ADTRP: variants seen among roughly 807,000 people sequenced by gnomAD.
ADTRP encodes the protein androgen-dependent TFPI-regulating protein.
In ADTRP, 20 loss-of-function variants were observed where a neutral mutation model predicts 27.0. The observed-to-expected ratio is 0.74, with a 90% CI of 0.52 to 1.08. The LOEUF (loss-of-function observed/expected upper bound fraction) is 1.08. Ranked by LOEUF, ADTRP falls within the 50% of genes least tolerant of loss-of-function variation. ADTRP has a pLI of 0.00. For missense variants in ADTRP, 251 were observed against 275.0 expected (o/e 0.91, Z 0.62); for synonymous variants, 101 against 105.2 (o/e 0.96, Z 0.25).
chr6:11,770,838 C>T (rs1054939378), intron 1 of ADTRP, among the ~76,000 whole-genome samples: 35 of 152,268 alleles, frequency 2.3e-4, no homozygotes, highest in Middle Eastern at 6.8e-3. Flanking sequence ...CCGCTCAGGC[C>T]GCAGCAGGCC....
intron 3 of ADTRP, among the ~76,000 whole-genome samples, chr6:11,745,056 C>T (rs1762825224): frequency 6.6e-6 from 1 of 152,212 alleles, no homozygotes; most frequent in African/African-American, 2.4e-5. Flanking sequence ...CCTTCTCTCC[C>T]TTGCTGACCT....
chr6:11,724,969 G>A (rs986594389), intron 4 of ADTRP, among the ~76,000 whole-genome samples: 1 of 152,222 alleles, frequency 6.6e-6, no homozygotes, highest in African/African-American at 2.4e-5. Context: ...GATAGGCCAG[G>A]TTATGCTTCA....
At chr6:11,744,799 G>A (rs547362334) in intron 3 of ADTRP, among the ~76,000 whole-genome samples, 1 of 152,348 alleles carries the variant, frequency 6.6e-6, no homozygotes, top group East Asian at 1.9e-4. Context: ...GAAAGAGGAA[G>A]TTTAGGAAGC....
At chr6:11,778,585 T>C in intron 1 of ADTRP, 22 bp downstream of exon 1, 1 of 1,607,418 alleles carries the variant, frequency 6.2e-7, no homozygotes, top group Non-Finnish European at 8.5e-7. Flanking sequence ...GATCGGTTCC[T>C]GGTACGGACA....
intron 1 of ADTRP, among the ~76,000 whole-genome samples, chr6:11,775,745 T>C (rs917479090): frequency 6.6e-6 from 1 of 152,230 alleles, no homozygotes; most frequent in East Asian, 1.9e-4. Flanking sequence ...TCCAGTCCCC[T>C]GGGATAGCTT....
At chr6:11,730,690 A>T (rs1762355237) in intron 4 of ADTRP, among the ~76,000 whole-genome samples, 1 of 152,244 alleles carries the variant, frequency 6.6e-6, no homozygotes, top group East Asian at 1.9e-4. Flanking sequence ...TATAAAAGAA[A>T]GTAATTCTCT....
At chr6:11,756,543 A>G (rs930200623) in intron 3 of ADTRP, among the ~76,000 whole-genome samples, 1 of 152,230 alleles carries the variant, frequency 6.6e-6, no homozygotes, top group Non-Finnish European at 1.5e-5. Context: ...ATGATTTCTT[A>G]CACTTACATG....
At chr6:11,729,434 A>G (rs1283013778) in intron 4 of ADTRP, among the ~76,000 whole-genome samples, 2 of 152,014 alleles carry the variant, frequency 1.3e-5, no homozygotes, top group Non-Finnish European at 2.9e-5. Context: ...ATGGTTTTCT[A>G]ACTTCCTGCC....
chr6:11,737,392 C>T (rs550720349), intron 3 of ADTRP, among the ~76,000 whole-genome samples: 3 of 152,246 alleles, frequency 2.0e-5, no homozygotes, highest in South Asian at 2.1e-4. Flanking sequence ...CTCTGGAGCT[C>T]GGGAATGTCA....
chr6:11,714,061 A>T lies in ADTRP; in HGVS notation c.*417T>A, dbSNP rs1761728281. On this transcript the variant is annotated 3_prime_UTR_variant, in exon 6 of 6. Transcript: ENST00000414691. ...ATTGCCTTGGTTCTGACACTAAGTA[A>T]CCCTTTTGCCTTTTGCAGGTAACTT... is the stretch of plus-strand genomic sequence containing the variant. 1 of 163,688 alleles carries T rather than the reference A, an allele frequency of 6.1e-6. No individual in the cohort carries two copies. The highest frequency in any genetic ancestry group is 6.5e-5 in the Admixed American group (1 of 15,472). The allele number at this position is 163,688 out of a possible 1,614,324, so 10.1% of individuals were successfully genotyped here. A position where few individuals can be genotyped will look rare whatever the true frequency, so the allele number is the denominator to read the frequency against.
Position 11,735,558 on chromosome 6 carries a change from T to A in ADTRP, c.506+10A>T, listed in dbSNP as rs1203844345. On this transcript the variant is annotated intron_variant, in intron 4 of 5. Transcript: ENST00000414691. ...CAAGCCTAAGTTGACTTTCTCCATG[T>A]AATTCTTACCGGCTGATGTAAGCAA... The A allele has an allele frequency of 6.2e-7, 1 of 1,601,312 alleles. No homozygotes were observed. The highest frequency in any genetic ancestry group is 2.2e-5 in the East Asian group (1 of 44,816).
chr6:11,771,785 G>A (rs921978192), intron 1 of ADTRP, among the ~76,000 whole-genome samples: 1 of 152,154 alleles, frequency 6.6e-6, no homozygotes, highest in Admixed American at 6.5e-5. Flanking sequence ...TATGACTGGT[G>A]TCCTTATCAG....
At chr6:11,758,162 CTT>C (rs1763272184) in intron 3 of ADTRP, among the ~76,000 whole-genome samples, 1 of 152,128 alleles carries the variant, frequency 6.6e-6, no homozygotes, top group South Asian at 2.1e-4. Context: ...TTCATTGGAC[CTT>C]ATTCTGCACT....
chr6:11,766,496 T>C (rs886433124), intron 2 of ADTRP, 121 bp from the exon 3 acceptor site: 24 of 624,502 alleles, frequency 3.8e-5, no homozygotes, highest in African/African-American at 5.6e-5. Context: ...ATCTTACATA[T>C]ACATTATAGG....
intron 3 of ADTRP, among the ~76,000 whole-genome samples, chr6:11,739,422 C>G (rs186086217): frequency 3.9e-5 from 6 of 152,256 alleles, no homozygotes; most frequent in Non-Finnish European, 7.4e-5. Flanking sequence ...ATGTTCTTCT[C>G]CCATCCTTTT....
At chr6:11,736,108 A>C (rs1035712619) in intron 3 of ADTRP, 1 of 164,734 alleles carries the variant, frequency 6.1e-6, no homozygotes, top group Non-Finnish European at 1.3e-5. Context: ...GATTACAGGC[A>C]TGTGCTACCA....
chr6:11,770,034 C>T (rs972372410), intron 1 of ADTRP: 2 of 1,551,554 alleles, frequency 1.3e-6, no homozygotes, highest in Non-Finnish European at 1.7e-6. Context: ...AACAAACCTG[C>T]CTAAAGCTTC....
chr6:11,747,082 C>T lies in ADTRP; in HGVS notation c.391-11399G>A, dbSNP rs530093331. On this transcript the variant is annotated intron_variant, in intron 3 of 5. Transcript: ENST00000414691. ...GCCCACTTGCTTAGAACCCACCACA[C>T]TCCTGAGAACGCAAGCCTGGGGCAT... Among the ~76,000 whole-genome samples, 42 of 152,358 alleles carry T rather than the reference C, an allele frequency of 2.8e-4. 1 individual carries two copies. The highest frequency in any genetic ancestry group is 1.0e-3 in the African/African-American group (42 of 41,582).
intron 4 of ADTRP, among the ~76,000 whole-genome samples, chr6:11,726,481 CT>C (rs1243031304): frequency 6.6e-6 from 1 of 152,076 alleles, no homozygotes; most frequent in Non-Finnish European, 1.5e-5. Flanking sequence ...AGGTTTTGCC[CT>C]TTTCACACGT....
Sources: gnomAD v4.1 joint callset for allele counts (sites outside exome capture counted in the v4.1 genomes callset) on GRCh38, gnomAD v4.1.1 for gene constraint, MANE v1.5 for transcripts, NCBI Gene and HGNC (gene_info 2026-07-23, HGNC 2026-07-21) for gene names.